Variants in OXSR1 observed in about 807,000 individuals in gnomAD.
OXSR1 encodes oxidative stress responsive kinase 1, also known as serine/threonine-protein kinase OSR1.
Under a neutral mutation model 79.8 loss-of-function variants are expected in OXSR1, and 24 were observed. The observed-to-expected ratio is 0.30, with a 90% CI of 0.22 to 0.42. OXSR1 has a LOEUF of 0.42. OXSR1 is among the 10% of genes least tolerant of loss of function. The pLI, the probability that OXSR1 is intolerant of heterozygous loss-of-function variation, is 1.00. For synonymous variants in OXSR1, 226 were observed against 209.2 expected (o/e 1.08, Z -0.69); for missense variants, 430 against 618.4 (o/e 0.70, Z 3.23).
At chr3:38,202,346 A>G (rs905839779) in intron 4 of OXSR1, among the ~76,000 whole-genome samples, 1 of 152,192 alleles carries the variant, frequency 6.6e-6, no homozygotes, top group Non-Finnish European at 1.5e-5. Flanking sequence ...GAGAAAGTAT[A>G]ATATTAAAGC....
intron 11 of OXSR1, among the ~76,000 whole-genome samples, chr3:38,240,868 C>A (rs1703017872): frequency 6.6e-6 from 1 of 151,968 alleles, no homozygotes; most frequent in African/African-American, 2.4e-5. Flanking sequence ...CATATATAAA[C>A]AAATGGGGGA....
At chr3:38,188,791 T>G (rs1332554572) in intron 2 of OXSR1, among the ~76,000 whole-genome samples, 2 of 152,156 alleles carry the variant, frequency 1.3e-5, no homozygotes, top group African/African-American at 4.8e-5. Context: ...TTCCAAGCCT[T>G]CCATGTTATG....
chr3:38,245,846 G>T (rs769720215), intron 12 of OXSR1, among the ~76,000 whole-genome samples: 3 of 152,104 alleles, frequency 2.0e-5, no homozygotes, highest in Non-Finnish European at 1.5e-5. Context: ...CAGTTACAGT[G>T]GGTAAATGTA....
At chr3:38,225,625 TA>T (rs1283747657) in intron 8 of OXSR1, among the ~76,000 whole-genome samples, 3 of 152,182 alleles carry the variant, frequency 2.0e-5, no homozygotes, top group Non-Finnish European at 2.9e-5. Flanking sequence ...ACTTTTCTTT[TA>T]TCAAATTAGT....
chr3:38,186,787 A>G (rs377490582), intron 2 of OXSR1, among the ~76,000 whole-genome samples: 1 of 152,194 alleles, frequency 6.6e-6, no homozygotes, highest in Non-Finnish European at 1.5e-5. Flanking sequence ...GCAAGTCTTC[A>G]TATGTACATT....
intron 4 of OXSR1, among the ~76,000 whole-genome samples, chr3:38,212,275 C>T (rs901736904): frequency 5.3e-5 from 8 of 152,284 alleles, no homozygotes; most frequent in Admixed American, 2.0e-4. Flanking sequence ...TGCTACTTCT[C>T]GTATCTTCAA....
At chr3:38,215,453 A>T (rs1702464899) in intron 4 of OXSR1, among the ~76,000 whole-genome samples, 1 of 152,160 alleles carries the variant, frequency 6.6e-6, no homozygotes, top group Non-Finnish European at 1.5e-5. Flanking sequence ...AAAAAAACTA[A>T]GTTGTAGATT....
intron 5 of OXSR1, among the ~76,000 whole-genome samples, chr3:38,221,165 G>C (rs1191317973): frequency 2.0e-5 from 3 of 152,100 alleles, no homozygotes; most frequent in Admixed American, 6.6e-5. Flanking sequence ...AAAATGAATG[G>C]ATAAATGAAT....
chr3:38,251,607 G>GAACTGTCCCATTACCTA, intron 16 of OXSR1, 136 bp downstream of exon 16: 1 of 705,190 alleles, frequency 1.4e-6, no homozygotes, highest in Non-Finnish European at 2.5e-6. Context: ...GAAATTATAG[G>GAACTGTCCCATTACCTA]TAATGGGACA....
intron 10 of OXSR1, among the ~76,000 whole-genome samples, chr3:38,233,671 T>G (rs946892413): frequency 6.6e-6 from 1 of 151,870 alleles, no homozygotes; most frequent in African/African-American, 2.4e-5. Flanking sequence ...CCCAACACAT[T>G]AGGAGGAGAA....
chr3:38,251,293 TA>T, intron 15 of OXSR1, 109 bp from the exon 16 acceptor site: 2 of 821,214 alleles, frequency 2.4e-6, no homozygotes, highest in South Asian at 1.4e-5. Context: ...TCTGTGGATT[TA>T]GCATCCAGCT....
At chr3:38,238,917 C>T (rs1303662907) in intron 11 of OXSR1, among the ~76,000 whole-genome samples, 1 of 152,004 alleles carries the variant, frequency 6.6e-6, no homozygotes, top group Non-Finnish European at 1.5e-5. Context: ...CCCCCAGTAA[C>T]ATATATATTA....
intron 2 of OXSR1, among the ~76,000 whole-genome samples, chr3:38,185,515 G>C (rs544813645): frequency 4.9e-4 from 74 of 152,338 alleles, no homozygotes; most frequent in Non-Finnish European, 9.1e-4. Context: ...GAACCTGGGA[G>C]GCAGAGGTTG....
intron 2 of OXSR1, among the ~76,000 whole-genome samples, chr3:38,184,844 GCT>G (rs1260343468): frequency 3.4e-5 from 4 of 118,134 alleles, no homozygotes; most frequent in Non-Finnish European, 5.1e-5. Flanking sequence ...ATTATTGTCT[GCT>G]TAGTATAGTA....
intron 12 of OXSR1, among the ~76,000 whole-genome samples, chr3:38,243,026 A>G (rs1703067381): frequency 6.7e-6 from 1 of 150,076 alleles, no homozygotes. Flanking sequence ...TTATTTATTT[A>G]TTTATTTATT....
At chr3:38,169,178 C>T (rs1701526412) in intron 1 of OXSR1, among the ~76,000 whole-genome samples, 1 of 152,132 alleles carries the variant, frequency 6.6e-6, no homozygotes, top group African/African-American at 2.4e-5. Flanking sequence ...TTTGCATTGC[C>T]CTAATGACTA....
At chr3:38,205,167 G>A (rs1215993128) in intron 4 of OXSR1, among the ~76,000 whole-genome samples, 1 of 152,226 alleles carries the variant, frequency 6.6e-6, no homozygotes, top group Non-Finnish European at 1.5e-5. Flanking sequence ...TGGGGAAGGG[G>A]TGGCATTGAC....
At chr3:38,230,733 T>C in intron 10 of OXSR1, 3 of 274,922 alleles carry the variant, frequency 1.1e-5, no homozygotes, top group Non-Finnish European at 2.1e-5. Context: ...ATGACATTTA[T>C]AGCTTTGGGT....
chr3:38,226,453 C>G (rs1021132009), intron 8 of OXSR1, among the ~76,000 whole-genome samples: 1 of 152,064 alleles, frequency 6.6e-6, no homozygotes, highest in Non-Finnish European at 1.5e-5. Flanking sequence ...TTAAAACTTT[C>G]CATGAGTGTG....
Sources: allele counts gnomAD v4.1 joint callset (sites outside exome capture counted in the v4.1 genomes callset), GRCh38; gene constraint gnomAD v4.1.1; transcripts MANE v1.5; gene names NCBI Gene and HGNC (gene_info 2026-07-23, HGNC 2026-07-21).